The following PRSS55 variants were observed in gnomAD, a reference collection of about 807,000 sequenced individuals.
The protein encoded by PRSS55 is probable serine protease UNQ9391/PRO34284.
Under a neutral mutation model 23.6 loss-of-function variants are expected in PRSS55, and 41 were observed. The observed-to-expected ratio is 1.74, with a 90% confidence interval of 1.35 to 2.26. The LOEUF (loss-of-function observed/expected upper bound fraction) is 2.26, where lower values mean the gene tolerates loss of function less well. Among genes scored for constraint, PRSS55 ranks in the 30% most tolerant of loss-of-function variants. PRSS55 has a pLI of 0.00. For missense variants in PRSS55, 669 were observed against 439.1 expected, an observed-to-expected ratio of 1.52 and a Z score of -4.68; for synonymous variants, 262 against 175.5, an observed-to-expected ratio of 1.49 and a Z score of -3.90.
intron 4 of PRSS55, 47 bp downstream of exon 4, chr8:10,533,095 G>C: frequency 1.3e-6 from 2 of 1,595,536 alleles, no homozygotes; most frequent in South Asian, 1.1e-5. Flanking sequence ...TCACCCTCTG[G>C]GAACTGCCAG....
chr8:10,535,737 T>C (rs1335493649), intron 4 of PRSS55, among the ~76,000 whole-genome samples: 1 of 152,176 alleles, frequency 6.6e-6, no homozygotes, highest in Non-Finnish European at 1.5e-5. Context: ...CTAAAGAGCA[T>C]CTGCACAGCT....
chr8:10,542,725 T>G (rs1277086807), downstream of PRSS55, among the ~76,000 whole-genome samples: 2 of 151,618 alleles, frequency 1.3e-5, 1 homozygote, highest in Non-Finnish European at 2.9e-5. Context: ...AAAAAAAAAT[T>G]AGCTGGGTGT....
At chr8:10,553,636 GA>G (rs1288545917) in intron 4 of PRSS55, among the ~76,000 whole-genome samples, 3 of 152,200 alleles carry the variant, frequency 2.0e-5, no homozygotes, top group African/African-American at 7.2e-5. Flanking sequence ...GTGGTTATGA[GA>G]CCCGGAGGGG....
At chr8:10,542,483 C>A (rs1212513736), downstream of PRSS55, among the ~76,000 whole-genome samples, 1 of 148,890 alleles carries the variant, frequency 6.7e-6, no homozygotes, top group African/African-American at 2.5e-5. Flanking sequence ...TCAAGGATAA[C>A]TGCTGATGTT....
chr8:10,541,855 A>G (rs1266157024), downstream of PRSS55, among the ~76,000 whole-genome samples: 1 of 152,098 alleles, frequency 6.6e-6, no homozygotes, highest in Non-Finnish European at 1.5e-5. Flanking sequence ...ATCTCAGGCA[A>G]TCCTCCCAAC....
chr8:10,531,309 G>C lies in PRSS55; in HGVS notation c.362G>C (p.Ser121Thr). The C allele has an allele frequency of 1.9e-6, 3 of 1,614,102 alleles. No homozygotes were observed. The highest frequency in any genetic ancestry group is 2.5e-6 in the Non-Finnish European group (3 of 1,180,008). ...TCTGCCACCAGTCCAGAAGAACTGA[G>C]TGTCGTGCTGGGGACCAACGACTTA... ...YSEELFPEEL[S>T]VVLGTNDLTS... Residue 121 changes from serine to threonine, a missense_variant, in exon 3 of 5, where the codon AGT (serine) becomes ACT (threonine). By Grantham distance (58) the Ser-to-Thr change is moderately conservative. Coordinates refer to ENST00000328655, the MANE Select transcript of PRSS55 (RefSeq NM_198464.4).
intron 4 of PRSS55, among the ~76,000 whole-genome samples, chr8:10,535,895 T>G (rs1812436652): frequency 6.6e-6 from 1 of 152,228 alleles, no homozygotes; most frequent in Non-Finnish European, 1.5e-5. Flanking sequence ...CATTAAAAAA[T>G]GGGCAGAGGG....
intron 2 of PRSS55, among the ~76,000 whole-genome samples, chr8:10,530,196 G>A (rs1341755747): frequency 2.0e-5 from 3 of 152,242 alleles, no homozygotes; most frequent in Non-Finnish European, 4.4e-5. Context: ...TTGGCCGGGT[G>A]CGGTGGCTCA....
intron 4 of PRSS55, among the ~76,000 whole-genome samples, chr8:10,551,562 A>G (rs918258312): frequency 6.6e-6 from 1 of 152,184 alleles, no homozygotes; most frequent in South Asian, 2.1e-4. Flanking sequence ...CTGTGACTGC[A>G]TGTCCTGCAA....
At chr8:10,529,375 G>T in intron 1 of PRSS55, 132 bp from the exon 2 acceptor site, 1 of 918,712 alleles carries the variant, frequency 1.1e-6, no homozygotes, top group Non-Finnish European at 1.8e-6. Flanking sequence ...GGCAGCCTCA[G>T]TGAGCTCCTC....
chr8:10,529,423 C>A, intron 1 of PRSS55, 84 bp from the exon 2 acceptor site: 1 of 1,385,388 alleles, frequency 7.2e-7, no homozygotes. Context: ...TGGAAGCCTG[C>A]TCCTCCCAGC....
intron 4 of PRSS55, among the ~76,000 whole-genome samples, chr8:10,534,042 A>G (rs1812368122): frequency 6.6e-6 from 1 of 152,100 alleles, no homozygotes; most frequent in African/African-American, 2.4e-5. Flanking sequence ...GGAGCCCCCC[A>G]TGTGGTGAAT....
intron 4 of PRSS55, among the ~76,000 whole-genome samples, chr8:10,534,950 A>T (rs1812404505): frequency 6.6e-6 from 1 of 152,234 alleles, no homozygotes; most frequent in Non-Finnish European, 1.5e-5. Flanking sequence ...CAAATCAAAA[A>T]TGCAATCCCA....
chr8:10,552,901 G>T (rs1812982233), intron 4 of PRSS55, among the ~76,000 whole-genome samples: 1 of 152,192 alleles, frequency 6.6e-6, no homozygotes, highest in African/African-American at 2.4e-5. Context: ...ATATCATCCT[G>T]CAATCCCACT....
chr8:10,542,282 A>C (rs892775703), downstream of PRSS55, among the ~76,000 whole-genome samples: 1 of 152,178 alleles, frequency 6.6e-6, no homozygotes, highest in Non-Finnish European at 1.5e-5. Flanking sequence ...ACACACAGAG[A>C]CATCTGTTGG....
At chr8:10,535,214 T>G (rs752950784) in intron 4 of PRSS55, among the ~76,000 whole-genome samples, 7 of 152,086 alleles carry the variant, frequency 4.6e-5, no homozygotes, top group Non-Finnish European at 7.4e-5. Context: ...TAGAAAAAAA[T>G]TATTTTAAAA....
At chr8:10,532,746 G>A (rs561759615) in intron 3 of PRSS55, among the ~76,000 whole-genome samples, 160 bp from the exon 4 acceptor site, 1 of 152,174 alleles carries the variant, frequency 6.6e-6, no homozygotes, top group Admixed American at 6.5e-5. Flanking sequence ...TGGGTAAGTT[G>A]CAGGCATGGG....
downstream of PRSS55, among the ~76,000 whole-genome samples, chr8:10,539,761 T>C (rs1205305916): frequency 2.0e-5 from 3 of 152,236 alleles, no homozygotes; most frequent in Non-Finnish European, 4.4e-5. Flanking sequence ...ACCATGATTG[T>C]GAGGCCTCTC....
chr8:10,550,255 A>G (rs1247037827), intron 4 of PRSS55, among the ~76,000 whole-genome samples: 1 of 152,180 alleles, frequency 6.6e-6, no homozygotes, highest in African/African-American at 2.4e-5. Flanking sequence ...AGTCATCACT[A>G]TCCACAGAGA....
Sources: gnomAD v4.1 joint callset for allele counts (sites outside exome capture counted in the v4.1 genomes callset) on GRCh38, gnomAD v4.1.1 for gene constraint, MANE v1.5 for transcripts, NCBI Gene and HGNC (gene_info 2026-07-23, HGNC 2026-07-21) for gene names.